Variants in SARNP observed in about 807,000 individuals in gnomAD.
SARNP encodes SAP domain-containing ribonucleoprotein.
In SARNP, 5 loss-of-function variants were observed where a neutral mutation model predicts 38.1. The observed-to-expected ratio is 0.13, with a 90% CI of 0.07 to 0.28. The LOEUF is 0.28. Among genes scored for constraint, SARNP ranks in the 10% least tolerant of loss-of-function variants. The pLI, the probability that SARNP is intolerant of heterozygous loss-of-function variation, is 1.00. For missense variants in SARNP, 180 were observed against 243.9 expected, an observed-to-expected ratio of 0.74 and a Z score of 1.75; for synonymous variants, 84 against 80.6, an observed-to-expected ratio of 1.04 and a Z score of -0.23.
chr12:55,766,219 CTCT>C (rs1296196311), intron 9 of SARNP, among the ~76,000 whole-genome samples: 2 of 152,162 alleles, frequency 1.3e-5, no homozygotes, highest in Non-Finnish European at 2.9e-5. Flanking sequence ...ACTAACAAAT[CTCT>C]TTTTTCTTCC....
chr12:55,768,639 G>A (rs1878917541), intron 9 of SARNP, among the ~76,000 whole-genome samples: 1 of 151,982 alleles, frequency 6.6e-6, no homozygotes, highest in South Asian at 2.1e-4. Context: ...AGTCAGCCAG[G>A]CTGGTCTCGA....
rs780233312 is a variant in SARNP, at chr12:55,817,710, C to T, written c.-9G>A. On this transcript the variant is annotated 5_prime_UTR_variant, in exon 1 of 11. Coordinates refer to ENST00000336133, the MANE Select transcript of SARNP (RefSeq NM_033082.4). Reference sequence around the variant, plus strand: ...ACCGTCTCGGTCGCCATCTTGTTACCCCTCACTCCACTAGGCCCCCACCCG... The same window carrying T: ...ACCGTCTCGGTCGCCATCTTGTTACTCCTCACTCCACTAGGCCCCCACCCG... The T allele has an allele frequency of 4.8e-5, 78 of 1,612,422 alleles. No individual in the cohort carries two copies. The highest frequency in any genetic ancestry group is 6.4e-5 in the Non-Finnish European group (75 of 1,179,386).
At chr12:55,766,712 T>G (rs1048894609) in intron 9 of SARNP, among the ~76,000 whole-genome samples, 1 of 128,664 alleles carries the variant, frequency 7.8e-6, no homozygotes, top group Admixed American at 9.8e-5. Context: ...AACCTCCACC[T>G]CCCAGGCTCA....
intron 9 of SARNP, among the ~76,000 whole-genome samples, chr12:55,770,652 T>C (rs1878981019): frequency 6.6e-6 from 1 of 152,174 alleles, no homozygotes; most frequent in Non-Finnish European, 1.5e-5. Flanking sequence ...GGCAGCTGAA[T>C]ACCACAGATA....
chr12:55,763,147 T>C (rs1241393797), intron 9 of SARNP, among the ~76,000 whole-genome samples: 2 of 152,166 alleles, frequency 1.3e-5, no homozygotes, highest in African/African-American at 4.8e-5. Context: ...TACTCTGAAC[T>C]ATTGTAAAAA....
intron 9 of SARNP, among the ~76,000 whole-genome samples, chr12:55,778,165 G>T (rs1879237374): frequency 6.6e-6 from 1 of 151,734 alleles, no homozygotes; most frequent in Non-Finnish European, 1.5e-5. Flanking sequence ...TATTATTTTT[G>T]AGAGCAAGTC....
chr12:55,794,468 G>T (rs1215800626), intron 6 of SARNP, 81 bp from the exon 7 acceptor site: 1 of 1,193,364 alleles, frequency 8.4e-7, no homozygotes, highest in South Asian at 1.3e-5. Flanking sequence ...GTATACATAT[G>T]ACACTTCTTG....
intron 1 of SARNP, among the ~76,000 whole-genome samples, chr12:55,806,766 C>T (rs1251926392): frequency 5.3e-5 from 8 of 152,178 alleles, no homozygotes; most frequent in Non-Finnish European, 4.4e-5. Context: ...TCTCGAACTC[C>T]TGACCTTGTG....
In SARNP at chr12:55,794,915, T is replaced by C. The variant is rs1456745495; in HGVS notation, c.304-35A>G. The C allele has an allele frequency of 5.8e-6, 6 of 1,038,096 alleles. No homozygotes were observed. In the African/African-American group the frequency reaches 7.4e-5, roughly 13 times the overall value. The allele number at this position is 1,038,096 out of a possible 1,614,324, so 64.3% of individuals were successfully genotyped here. A position where few individuals can be genotyped will look rare whatever the true frequency, so the allele number is the denominator to read the frequency against. ...AATAGACAAAAGGGAGAAAAAAAAG[T>C]CAATTTATGGTTTAAGAAAGTCAGT... On this transcript the variant is annotated intron_variant, in intron 5 of 10. Transcript: ENST00000336133.
intron 9 of SARNP, among the ~76,000 whole-genome samples, chr12:55,767,762 G>A (rs1185150564): frequency 1.3e-5 from 2 of 150,424 alleles, no homozygotes; most frequent in East Asian, 2.0e-4. Context: ...CAGGAGAATG[G>A]TGTGAACCCG....
chr12:55,773,484 A>G (rs1393329072), intron 9 of SARNP, among the ~76,000 whole-genome samples: 3 of 152,202 alleles, frequency 2.0e-5, no homozygotes, highest in African/African-American at 7.2e-5. Flanking sequence ...TAGGTAGCAC[A>G]CCTGTCTTAT....
intron 2 of SARNP, among the ~76,000 whole-genome samples, chr12:55,801,365 C>G (rs1242064086): frequency 6.6e-6 from 1 of 152,082 alleles, no homozygotes; most frequent in East Asian, 1.9e-4. Context: ...ATTACTTGAA[C>G]CCAGAAGGCA....
chr12:55,760,590 G>A lies in SARNP; in HGVS notation c.552C>T (p.Val184=). The A allele has an allele frequency of 6.2e-7, 1 of 1,613,226 alleles. No individual in the cohort carries two copies. Among genetic ancestry groups the A allele is most frequent in the Non-Finnish European group, 8.5e-7 (1 of 1,179,276 alleles). ...LKKRKERFGI[V]TSSAGTGTTE... The stretch of plus-strand genomic sequence containing the variant: ...TGGTTCCAGTTCCAGCTGAACTTGT[G>A]ACAATCCCAAATCGCTCCTTCCTCT... Residue 184 remains valine (V), a synonymous_variant, in exon 10 of 11, where the codon GTC becomes GTT. Transcript: ENST00000336133.
chr12:55,810,937 C>T (rs1372458520), intron 1 of SARNP, among the ~76,000 whole-genome samples: 1 of 151,882 alleles, frequency 6.6e-6, no homozygotes, highest in Non-Finnish European at 1.5e-5. Flanking sequence ...ATTAGCCAGA[C>T]GTGGTGGCAG....
At chr12:55,786,956 C>T (rs756430920) in intron 9 of SARNP, among the ~76,000 whole-genome samples, 28 of 152,184 alleles carry the variant, frequency 1.8e-4, no homozygotes, top group South Asian at 2.1e-4. Flanking sequence ...CCAGGCCAGG[C>T]GCAGTGGCTC....
chr12:55,761,469 T>C (rs1878674110), intron 9 of SARNP: 1 of 152,250 alleles, frequency 6.6e-6, no homozygotes, highest in East Asian at 1.9e-4. Context: ...GAAATGATTC[T>C]TAAAACAGGT....
intron 1 of SARNP, among the ~76,000 whole-genome samples, chr12:55,814,712 T>C (rs2136210295): frequency 6.6e-6 from 1 of 151,920 alleles, no homozygotes; most frequent in Non-Finnish European, 1.5e-5. Context: ...CTACTAAAAA[T>C]ACAAAAATTA....
intron 8 of SARNP, among the ~76,000 whole-genome samples, chr12:55,789,446 C>T (rs567758429): frequency 6.6e-6 from 1 of 152,172 alleles, no homozygotes; most frequent in African/African-American, 2.4e-5. Flanking sequence ...TAAATCATCA[C>T]CTCCAAACAA....
At chr12:55,808,665 G>A (rs545573870) in intron 1 of SARNP, among the ~76,000 whole-genome samples, 7 of 151,972 alleles carry the variant, frequency 4.6e-5, no homozygotes, top group African/African-American at 1.7e-4. Context: ...GGAAGCTGAG[G>A]TGGGAGGAAC....
Sources: allele counts gnomAD v4.1 joint callset (sites outside exome capture counted in the v4.1 genomes callset), GRCh38; gene constraint gnomAD v4.1.1; transcripts MANE v1.5; gene names NCBI Gene and HGNC (gene_info 2026-07-23, HGNC 2026-07-21).